Variants in SORBS3 observed in about 807,000 individuals in gnomAD.
SORBS3 encodes the protein sorbin and SH3 domain containing 3, also known as vinexin.
In SORBS3, 69 loss-of-function variants were observed where a neutral mutation model predicts 98.0. That is an observed-to-expected ratio of 0.70 (90% CI 0.58 to 0.86). The LOEUF is 0.86. SORBS3 is among the 40% of genes least tolerant of loss of function. The pLI is 0.00. For missense variants in SORBS3, 954 were observed against 908.5 expected (o/e 1.05, Z -0.64); for synonymous variants, 394 against 355.4 (o/e 1.11, Z -1.22).
At chr8:22,560,517 C>T (rs1049721905) in intron 5 of SORBS3, among the ~76,000 whole-genome samples, 1 of 151,982 alleles carries the variant, frequency 6.6e-6, no homozygotes, top group Non-Finnish European at 1.5e-5. Context: ...AAAGGGAATT[C>T]CAAAAGAAAA....
In SORBS3 at chr8:22,563,830, T is replaced by C. The variant is rs575279952; in HGVS notation, c.585-157T>C. Among the ~76,000 whole-genome samples, 23 of 152,300 alleles carry C rather than the reference T, an allele frequency of 1.5e-4. 1 individual carries two copies. In the South Asian group the frequency reaches 3.7e-3, roughly 25 times the overall value. ...GAATTTAAGCTTGGAGCTCACACAC[T>C]TCCACAGTTTAATCTTGCTTCCAGA... On this transcript the variant is annotated intron_variant, in intron 7 of 20. Coordinates refer to ENST00000240123, the MANE Select transcript of SORBS3 (RefSeq NM_005775.5).
At chr8:22,571,680 C>T (rs904061760) in intron 18 of SORBS3, 38 bp from the exon 19 acceptor site, 2 of 1,498,630 alleles carry the variant, frequency 1.3e-6, no homozygotes, top group Non-Finnish European at 1.9e-6. Flanking sequence ...CCATCGTCTT[C>T]CTCCCTCTGA....
intron 5 of SORBS3, 43 bp downstream of exon 5, chr8:22,558,235 C>G (rs1840225095): frequency 6.3e-7 from 1 of 1,578,648 alleles, no homozygotes; most frequent in South Asian, 1.1e-5. Context: ...AAAGTGGATT[C>G]TGGCCCCTGG....
Position 22,571,725 on chromosome 8 carries a change from G to A in SORBS3, c.1751G>A (p.Gly584Asp), listed in dbSNP as rs150882165. Reference sequence around the variant, plus strand: ...CTTCCTGTCAACTCCCAGAATCTTGGCACCCCTGGTCCAGCTCTGTCCCAC... The same window carrying A: ...CTTCCTGTCAACTCCCAGAATCTTGACACCCCTGGTCCAGCTCTGTCCCAC... ...QEPRPQTQNL[G>D]TPGPALSHSR... The change falls in exon 19 of 21, where the codon GGC (glycine) becomes GAC (aspartate). Residue 584 changes from glycine to aspartate, a missense_variant. Transcript: ENST00000240123. 1,140 of 1,613,392 alleles carry A rather than the reference G, an allele frequency of 7.1e-4. 9 individuals carry two copies. In the African/African-American group the frequency reaches 0.014, roughly 19 times the overall value.
chr8:22,568,147 C>T (rs563854530), intron 16 of SORBS3, among the ~76,000 whole-genome samples: 44 of 152,204 alleles, frequency 2.9e-4, no homozygotes, highest in Non-Finnish European at 5.3e-4. Context: ...CCACTGTGCC[C>T]GGCTGATATG....
intron 5 of SORBS3, among the ~76,000 whole-genome samples, chr8:22,559,522 G>A (rs1410892927): frequency 6.6e-6 from 1 of 152,082 alleles, no homozygotes; most frequent in Non-Finnish European, 1.5e-5. Flanking sequence ...GCAACATGGT[G>A]AAACCCCATC....
chr8:22,566,555 G>A, intron 13 of SORBS3, 71 bp downstream of exon 13: 4 of 1,588,440 alleles, frequency 2.5e-6, no homozygotes, highest in Non-Finnish European at 3.4e-6. Context: ...CCCCAGGGGT[G>A]GCAGGTCACA....
chr8:22,575,292 G>A lies in SORBS3; in HGVS notation c.*564G>A. Reference sequence around the variant, plus strand: ...CGATCTAGGCCTGGCAAGAGCTCTGGCCCCAAGGCCTCCTCTTCCCAGGGG... The same window carrying A: ...CGATCTAGGCCTGGCAAGAGCTCTGACCCCAAGGCCTCCTCTTCCCAGGGG... On this transcript the variant is annotated 3_prime_UTR_variant, in exon 21 of 21. Coordinates refer to ENST00000240123, the MANE Select transcript of SORBS3 (RefSeq NM_005775.5). 4.0e-6 allele frequency: 1 copy of A among 250,912 alleles called. No homozygotes were observed. Among genetic ancestry groups the A allele is most frequent in the South Asian group, 4.0e-5 (1 of 25,004 alleles). 15.5% of individuals were successfully genotyped at this position (250,912 alleles called of 1,614,324 possible).
In SORBS3 at chr8:22,569,416, T is replaced by C. The variant is rs1219483433; in HGVS notation, c.1431+143T>C. The C allele has an allele frequency of 8.8e-6, 6 of 684,248 alleles. No individual in the cohort carries two copies. The Admixed American group carries it at 2.5e-4, about 28-fold the overall frequency. 42.4% of individuals were successfully genotyped at this position (684,248 alleles called of 1,614,324 possible). On this transcript the variant is annotated intron_variant, in intron 17 of 20. Transcript: ENST00000240123. The stretch of plus-strand genomic sequence containing the variant: ...GCGCAGTGGTGCCATCTCGGCTCAC[T>C]GCAACCTCCGCCTCCCGGGTTCAAG...
intron 7 of SORBS3, among the ~76,000 whole-genome samples, chr8:22,562,447 C>T (rs1371874735): frequency 6.6e-6 from 1 of 152,226 alleles, no homozygotes; most frequent in Non-Finnish European, 1.5e-5. Context: ...AGGCTCCGCC[C>T]GGCTGCTGGG....
chr8:22,565,625 C>T (rs968396774), intron 11 of SORBS3: 1 of 1,051,730 alleles, frequency 9.5e-7, no homozygotes, highest in Non-Finnish European at 1.2e-6. Flanking sequence ...CGTCCGGCCC[C>T]CGGGCCCCAG....
At position 22,554,338 on chromosome 8, in the gene SORBS3, TG is replaced by T; in HGVS notation, c.-55-112del. Reference sequence around the variant, plus strand: ...CTGGGTCCTTGAGCTAGTACCCAGCTGGTCCTGACCCCCTCCCACAGCCGGC... The same window carrying T: ...CTGGGTCCTTGAGCTAGTACCCAGCTGTCCTGACCCCCTCCCACAGCCGGC... On this transcript the variant is annotated intron_variant, in intron 1 of 20. Transcript: ENST00000240123. The surrounding 1 kb of genome is among the most constrained non-coding windows in gnomAD (Gnocchi z 6.5). 1 of 1,114,818 alleles carries T rather than the reference TG, an allele frequency of 9.0e-7. No individual in the cohort carries two copies. Among genetic ancestry groups the T allele is most frequent in the Non-Finnish European group, 1.2e-6 (1 of 813,654 alleles). 69.1% of individuals were successfully genotyped at this position (1,114,818 alleles called of 1,614,324 possible).
At chr8:22,553,691 GT>G (rs1360124894) in intron 1 of SORBS3, among the ~76,000 whole-genome samples, 2 of 152,208 alleles carry the variant, frequency 1.3e-5, no homozygotes, top group Non-Finnish European at 2.9e-5. Flanking sequence ...GGGAGCGCGT[GT>G]ATGTGCGTGC....
At position 22,571,084 on chromosome 8, in the gene SORBS3, G is replaced by A; in HGVS notation, c.1606G>A (p.Ala536Thr). The A allele has an allele frequency of 6.2e-7, 1 of 1,611,590 alleles. No individual in the cohort carries two copies. Among genetic ancestry groups the A allele is most frequent in the Non-Finnish European group, 8.5e-7 (1 of 1,179,570 alleles). ...QLPTSPRLTAAARSARHPSSP... is the reference protein window; with the variant it reads ...QLPTSPRLTATARSARHPSSP... Reference sequence around the variant, plus strand: ...CCCCACGTCTCCCCGCCTGACCGCTGCCGCCCGCTCAGCCCGTCACCCCAG... The same window carrying A: ...CCCCACGTCTCCCCGCCTGACCGCTACCGCCCGCTCAGCCCGTCACCCCAG... Residue 536 changes from alanine to threonine, a missense_variant, in exon 18 of 21, where the codon GCC becomes ACC. Transcript: ENST00000240123.
Position 22,564,068 on chromosome 8 carries a change from C to T in SORBS3, c.666C>T (p.Pro222=), listed in dbSNP as rs1266819401. 6.2e-7 allele frequency: 1 copy of T among 1,613,694 alleles called. No individual in the cohort carries two copies. The highest frequency in any genetic ancestry group is 1.1e-5 in the South Asian group (1 of 91,086). The change falls in exon 8 of 21, where the codon CCC becomes CCT. Residue 222 remains proline, a synonymous_variant. Transcript: ENST00000240123. ...RPGAFSTVLQ[P]SNQVLRRREK... ...GAGCATTCTCCACTGTGCTGCAGCC[C>T]TCAAATCAGGTAGCCCACCCAGCAT...
At chr8:22,558,367 G>A (rs1391524160) in intron 5 of SORBS3, among the ~76,000 whole-genome samples, 175 bp downstream of exon 5, 1 of 152,206 alleles carries the variant, frequency 6.6e-6, no homozygotes, top group Non-Finnish European at 1.5e-5. Context: ...CTCGGGGCCA[G>A]CAGCGGTCTC....
At chr8:22,566,570 C>G in intron 13 of SORBS3, 86 bp downstream of exon 13, 1 of 1,581,314 alleles carries the variant, frequency 6.3e-7, no homozygotes, top group Middle Eastern at 1.7e-4. Flanking sequence ...GTCACAGAGC[C>G]CCTTGCTTCT....
chr8:22,566,224 G>T (rs1000008683), intron 12 of SORBS3, 121 bp from the exon 13 acceptor site: 35 of 1,324,690 alleles, frequency 2.6e-5, no homozygotes, highest in Non-Finnish European at 3.5e-5. Flanking sequence ...CCCAGGACCC[G>T]GGAGACGCCC....
chr8:22,567,229 G>T, intron 16 of SORBS3, 54 bp downstream of exon 16: 1 of 1,289,070 alleles, frequency 7.8e-7, no homozygotes, highest in African/African-American at 1.5e-5. Flanking sequence ...CGCAGGGGTT[G>T]GGAGAGACTT....
Sources: allele counts gnomAD v4.1 joint callset (sites outside exome capture counted in the v4.1 genomes callset), GRCh38; gene constraint gnomAD v4.1.1; non-coding constraint Gnocchi (gnomAD v3.1); transcripts MANE v1.5; gene names NCBI Gene and HGNC (gene_info 2026-07-23, HGNC 2026-07-21).